PLSCR2: variants seen among roughly 807,000 people sequenced by gnomAD.
PLSCR2 encodes phospholipid scramblase 2, also known as PL scramblase 2.
PLSCR2 carries 18 observed loss-of-function variants against 25.3 expected under a neutral mutation model. That is an observed-to-expected ratio of 0.71 (90% CI 0.49 to 1.06). PLSCR2 has a LOEUF of 1.06. Among genes scored for constraint, PLSCR2 ranks in the 50% least tolerant of loss-of-function variants. PLSCR2 has a pLI of 0.00. For synonymous variants in PLSCR2, 88 were observed against 87.3 expected (o/e 1.01, Z -0.04); for missense variants, 243 against 269.5 (o/e 0.90, Z 0.69).
chr3:146,483,721 A>G (rs1021147022), intron 1 of PLSCR2, among the ~76,000 whole-genome samples: 3 of 151,384 alleles, frequency 2.0e-5, no homozygotes, highest in African/African-American at 7.3e-5. Context: ...AAGAAAAGCA[A>G]ACAAGCAGGA....
chr3:146,412,064 G>A (rs991029551), intron 2 of PLSCR2, among the ~76,000 whole-genome samples: 3 of 152,186 alleles, frequency 2.0e-5, no homozygotes, highest in African/African-American at 4.8e-5. Context: ...TCTTAGCTAA[G>A]GGAGAGTTAA....
intron 2 of PLSCR2, among the ~76,000 whole-genome samples, chr3:146,423,315 TAACTC>T (rs1425842629): frequency 6.9e-6 from 1 of 143,914 alleles, no homozygotes; most frequent in Non-Finnish European, 1.5e-5. Flanking sequence ...AACTTAATAT[TAACTC>T]TACTTAGTTA....
At chr3:146,392,959 A>T (rs2038134672) in intron 3 of PLSCR2, among the ~76,000 whole-genome samples, 1 of 149,270 alleles carries the variant, frequency 6.7e-6, no homozygotes, top group African/African-American at 2.5e-5. Context: ...ATATTTTATT[A>T]CATATTTTAA....
At chr3:146,431,290 C>T (rs2039536112), downstream of PLSCR2, among the ~76,000 whole-genome samples, 1 of 152,174 alleles carries the variant, frequency 6.6e-6, no homozygotes, top group African/African-American at 2.4e-5. Flanking sequence ...TAGTATGTTT[C>T]TATCCAAAAT....
chr3:146,463,932 T>G, upstream of PLSCR2: 1 of 978,396 alleles, frequency 1.0e-6, no homozygotes, highest in African/African-American at 1.7e-5. Context: ...TAGTCACCTC[T>G]TAGTTACATC....
At chr3:146,479,330 G>A (rs1172341209) in intron 1 of PLSCR2, among the ~76,000 whole-genome samples, 1 of 152,182 alleles carries the variant, frequency 6.6e-6, no homozygotes, top group Non-Finnish European at 1.5e-5. Context: ...CCATCAGTGT[G>A]CTGTGTCAGG....
chr3:146,461,778 T>C (rs2041589282), upstream of PLSCR2: 1 of 715,322 alleles, frequency 1.4e-6, no homozygotes, highest in African/African-American at 1.7e-5. Context: ...GAAGTTCATC[T>C]AGGGAGACCC....
intron 1 of PLSCR2, among the ~76,000 whole-genome samples, chr3:146,477,362 A>G (rs1456197542): frequency 1.3e-5 from 2 of 152,170 alleles, no homozygotes; most frequent in African/African-American, 4.8e-5. Context: ...TGCACCTGGA[A>G]AAAGGGACAC....
At chr3:146,441,896 C>T in intron 6 of PLSCR2, 75 bp from the exon 7 acceptor site, 1 of 890,888 alleles carries the variant, frequency 1.1e-6, no homozygotes, top group Non-Finnish European at 1.8e-6. Context: ...GCTAAGGGAT[C>T]TGATGAAACA....
intron 2 of PLSCR2, among the ~76,000 whole-genome samples, chr3:146,405,994 T>A (rs373140678): frequency 1.6e-4 from 24 of 152,148 alleles, no homozygotes; most frequent in African/African-American, 5.5e-4. Flanking sequence ...GAGACCAGGA[T>A]TTTTTTTGGA....
chr3:146,418,773 G>A (rs2039061144), intron 2 of PLSCR2, among the ~76,000 whole-genome samples: 1 of 152,096 alleles, frequency 6.6e-6, no homozygotes, highest in South Asian at 2.1e-4. Flanking sequence ...TGCAATTCTA[G>A]TGAATTTCTT....
In PLSCR2 at chr3:146,450,175, A is replaced by AT. The variant is rs146792716; in HGVS notation, c.484-809dup. ...ATATAACTAACATTCACCAAACTAC[A>AT]TGTTAAGAGTTATGTCAACCCAAGT... On this transcript the variant is annotated intron_variant, in intron 5 of 6. Coordinates refer to ENST00000610787, the Ensembl canonical transcript of PLSCR2. 2.7e-3 allele frequency among the ~76,000 whole-genome samples: 410 copies of AT among 152,320 alleles called. 2 individuals are homozygous for AT. Among genetic ancestry groups the AT allele is most frequent in the African/African-American group, 9.4e-3 (392 of 41,564 alleles).
chr3:146,413,993 G>T (rs1044783673), intron 2 of PLSCR2, among the ~76,000 whole-genome samples: 1 of 110,878 alleles, frequency 9.0e-6, no homozygotes, highest in Admixed American at 1.0e-4. Flanking sequence ...TGGAGGTGGT[G>T]AAGTCCAAGA....
intron 3 of PLSCR2, among the ~76,000 whole-genome samples, chr3:146,393,828 C>T (rs1161157346): frequency 4.2e-5 from 5 of 117,664 alleles, no homozygotes; most frequent in Admixed American, 8.9e-5. Flanking sequence ...AAAAAAACTT[C>T]TAAATAAGAC....
chr3:146,473,575 C>T (rs752574983), intron 1 of PLSCR2, among the ~76,000 whole-genome samples: 2 of 151,944 alleles, frequency 1.3e-5, no homozygotes, highest in African/African-American at 2.4e-5. Context: ...CAAAATGCTG[C>T]GATTACAGGC....
intron 1 of PLSCR2, among the ~76,000 whole-genome samples, chr3:146,470,898 G>T (rs1333794767): frequency 1.3e-5 from 2 of 152,224 alleles, no homozygotes; most frequent in East Asian, 3.9e-4. Context: ...AGTAGTAATG[G>T]TATCTACCAC....
At chr3:146,455,360 T>C in exon 4 of PLSCR2, 1 of 1,613,738 alleles carries the variant, frequency 6.2e-7, no homozygotes, top group Non-Finnish European at 8.5e-7. Context: ...CCCACAGCAA[T>C]TTCGGATACA....
chr3:146,431,169 C>T (rs1191492953), downstream of PLSCR2, among the ~76,000 whole-genome samples: 2 of 151,882 alleles, frequency 1.3e-5, no homozygotes, highest in African/African-American at 4.8e-5. Flanking sequence ...GTAAAGGAGA[C>T]ACTTTCTGTC....
intron 1 of PLSCR2, among the ~76,000 whole-genome samples, chr3:146,477,063 C>G (rs1303515821): frequency 6.6e-6 from 1 of 152,184 alleles, no homozygotes; most frequent in African/African-American, 2.4e-5. Context: ...GGTGAGAACC[C>G]CCGCAAACAG....
Sources: gnomAD v4.1 joint callset for allele counts (sites outside exome capture counted in the v4.1 genomes callset) on GRCh38, gnomAD v4.1.1 for gene constraint, MANE v1.5 for transcripts, NCBI Gene and HGNC (gene_info 2026-07-23, HGNC 2026-07-21) for gene names.